The following SGMS1 variants were observed in gnomAD, a reference collection of about 807,000 sequenced individuals.
SGMS1 encodes phosphatidylcholine:ceramide cholinephosphotransferase 1.
A neutral mutation model predicts 46.2 loss-of-function variants in SGMS1; 13 were observed. The observed-to-expected ratio is 0.28, with a 90% CI of 0.18 to 0.45. The LOEUF (loss-of-function observed/expected upper bound fraction) is 0.45. Among genes scored for constraint, SGMS1 ranks in the 20% least tolerant of loss-of-function variants. SGMS1 has a pLI of 1.00. For missense variants in SGMS1, 324 were observed against 519.9 expected (o/e 0.62, Z 3.66); for synonymous variants, 203 against 187.8 (o/e 1.08, Z -0.66).
At position 50,372,038 on chromosome 10, in the gene SGMS1, T is replaced by G. The variant is rs534993258; in HGVS notation, c.-231-27693A>C. Among the ~76,000 whole-genome samples the G allele has an allele frequency of 9.8e-5, 15 of 152,344 alleles. No homozygotes were observed. In the East Asian group the frequency reaches 1.9e-3, roughly 20 times the overall value. On this transcript the variant is annotated intron_variant, in intron 6 of 10. Transcript: ENST00000361781. ...ACATTCAAACCACCGCACTCTTATC[T>G]ATATAATCTTACTTGCTGAATGTCT...
intron 2 of SGMS1, among the ~76,000 whole-genome samples, chr10:50,539,396 T>C (rs186177324): frequency 6.0e-4 from 92 of 152,366 alleles, no homozygotes; most frequent in African/African-American, 2.2e-3. Flanking sequence ...TTGTATAGTG[T>C]TGGCATTGAT....
intron 3 of SGMS1, among the ~76,000 whole-genome samples, chr10:50,479,854 C>T (rs1178362490): frequency 6.6e-6 from 1 of 152,064 alleles, no homozygotes; most frequent in East Asian, 1.9e-4. Flanking sequence ...AAGAGCAACA[C>T]CACAAGTATT....
At chr10:50,319,745 C>G (rs76078476) in intron 8 of SGMS1, among the ~76,000 whole-genome samples, 70 of 152,318 alleles carry the variant, frequency 4.6e-4, no homozygotes, top group African/African-American at 1.6e-3. Context: ...GCATCACATT[C>G]AGAAGCACCT....
intron 2 of SGMS1, among the ~76,000 whole-genome samples, chr10:50,523,384 T>C (rs1837873053): frequency 6.6e-6 from 1 of 152,224 alleles, no homozygotes; most frequent in South Asian, 2.1e-4. Flanking sequence ...TGTATGTGCT[T>C]ACCTTAAGCA....
intron 1 of SGMS1, among the ~76,000 whole-genome samples, chr10:50,615,721 C>A (rs1369928481): frequency 6.6e-6 from 1 of 152,230 alleles, no homozygotes; most frequent in Admixed American, 6.5e-5. Flanking sequence ...AGGCTCCCAA[C>A]AGAAATGATA....
chr10:50,340,466 T>C (rs1392641757), intron 7 of SGMS1: 3 of 152,212 alleles, frequency 2.0e-5, no homozygotes, highest in South Asian at 4.1e-4. Flanking sequence ...AGTCCAATTC[T>C]AAATGGGGAG....
chr10:50,543,032 A>T (rs1838069553), intron 2 of SGMS1, among the ~76,000 whole-genome samples: 1 of 152,154 alleles, frequency 6.6e-6, no homozygotes, highest in South Asian at 2.1e-4. Context: ...TTAACAAGGG[A>T]CATTAGGCAT....
intron 6 of SGMS1, among the ~76,000 whole-genome samples, chr10:50,395,873 C>A (rs544261776): frequency 6.6e-6 from 1 of 152,102 alleles, no homozygotes; most frequent in Non-Finnish European, 1.5e-5. Context: ...AATCAGAGGA[C>A]CCATATTCAA....
chr10:50,458,320 T>C (rs182893245), intron 5 of SGMS1, among the ~76,000 whole-genome samples: 5 of 149,732 alleles, frequency 3.3e-5, no homozygotes, highest in African/African-American at 1.2e-4. Flanking sequence ...CAATTCTGGC[T>C]CTGCTATTTT....
At chr10:50,450,284 T>A (rs1837090257) in intron 5 of SGMS1, among the ~76,000 whole-genome samples, 3 of 152,114 alleles carry the variant, frequency 2.0e-5, no homozygotes, top group Admixed American at 6.5e-5. Flanking sequence ...GAAAGCAGAT[T>A]AAGGATTACA....
intron 4 of SGMS1, among the ~76,000 whole-genome samples, chr10:50,464,721 A>AC (rs1837309358): frequency 6.6e-6 from 1 of 152,216 alleles, no homozygotes; most frequent in African/African-American, 2.4e-5. Context: ...GGCATGAGCC[A>AC]CTGCGCCTGG....
intron 6 of SGMS1, among the ~76,000 whole-genome samples, chr10:50,372,022 C>T (rs1848442509): frequency 1.3e-5 from 2 of 152,212 alleles, no homozygotes; most frequent in African/African-American, 4.8e-5. Context: ...CACATTCAAA[C>T]CACCGCACTC....
At chr10:50,422,493 G>A (rs187331814) in intron 6 of SGMS1, among the ~76,000 whole-genome samples, 6 of 152,280 alleles carry the variant, frequency 3.9e-5, no homozygotes, top group Admixed American at 3.3e-4. Context: ...AAAAGGAAGT[G>A]GAGTTTACAA....
chr10:50,510,610 GT>G (rs3054271), intron 3 of SGMS1, among the ~76,000 whole-genome samples: 3 of 149,078 alleles, frequency 2.0e-5, no homozygotes, highest in African/African-American at 2.5e-5. Context: ...GTATCTCTGT[GT>G]TTTTTTTTTA....
In SGMS1 at chr10:50,305,941, T is replaced by C. The variant is rs1476343238; in HGVS notation, c.*1201A>G. The C allele has an allele frequency of 1.3e-5, 2 of 152,686 alleles. No individual in the cohort carries two copies. The highest frequency in any genetic ancestry group is 1.9e-4 in the East Asian group (1 of 5,278). 9.5% of individuals were successfully genotyped at this position (152,686 alleles called of 1,614,324 possible). The stretch of plus-strand genomic sequence containing the variant: ...ACATATGTATGTTAGGAGTAAAACT[T>C]AGAGTTACATGCAGTTTCTGCACAA... On this transcript the variant is annotated 3_prime_UTR_variant, in exon 11 of 11. Coordinates refer to ENST00000361781, the MANE Select transcript of SGMS1 (RefSeq NM_147156.4).
chr10:50,362,922 G>T (rs563228795), intron 6 of SGMS1, among the ~76,000 whole-genome samples: 1 of 152,060 alleles, frequency 6.6e-6, no homozygotes, highest in Non-Finnish European at 1.5e-5. Flanking sequence ...GTTAAAAGCA[G>T]ATCAAAAGAG....
At chr10:50,553,246 G>A (rs958788880) in intron 2 of SGMS1, among the ~76,000 whole-genome samples, 2 of 151,958 alleles carry the variant, frequency 1.3e-5, no homozygotes, top group Non-Finnish European at 2.9e-5. Flanking sequence ...TAACACTCTG[G>A]ACCTGGATTT....
chr10:50,345,881 A>G (rs55926560), intron 6 of SGMS1, among the ~76,000 whole-genome samples: 2,423 of 152,330 alleles, frequency 0.016, 71 homozygotes, highest in African/African-American at 0.055. Flanking sequence ...AATATATCAC[A>G]TATTAACTGC....
At chr10:50,387,758 C>G (rs1467804738) in intron 6 of SGMS1, among the ~76,000 whole-genome samples, 1 of 152,180 alleles carries the variant, frequency 6.6e-6, no homozygotes, top group African/African-American at 2.4e-5. Flanking sequence ...ATGAATCAAG[C>G]AGCCTCCCAA....
Sources: allele counts gnomAD v4.1 joint callset (sites outside exome capture counted in the v4.1 genomes callset), GRCh38; gene constraint gnomAD v4.1.1; transcripts MANE v1.5; gene names NCBI Gene and HGNC (gene_info 2026-07-23, HGNC 2026-07-21).